DGKB: variants seen among roughly 807,000 people sequenced by gnomAD.
DGKB encodes diacylglycerol kinase beta, also known as 90 kDa diacylglycerol kinase.
Under a neutral mutation model 114.3 loss-of-function variants are expected in DGKB, and 67 were observed. The observed-to-expected ratio is 0.59, with a 90% CI of 0.48 to 0.72. The LOEUF is 0.72. Among genes scored for constraint, DGKB ranks in the 30% least tolerant of loss-of-function variants. The pLI is 0.00. For synonymous variants in DGKB, 398 were observed against 323.1 expected, an observed-to-expected ratio of 1.23 and a Z score of -2.49; for missense variants, 907 against 975.2, an observed-to-expected ratio of 0.93 and a Z score of 0.93.
At chr7:14,428,172 G>GAT (rs926259502) in intron 21 of DGKB, among the ~76,000 whole-genome samples, 24 of 151,248 alleles carry the variant, frequency 1.6e-4, no homozygotes, top group East Asian at 1.4e-3. Context: ...CTTTTTCTGT[G>GAT]ATATATATAT....
rs776454947 is a variant in DGKB at position 14,841,231 on chromosome 7, G to A, written c.33C>T (p.Ser11=). MTNQEKWAHL[S]PSEFSQLQKY... ...TCTGAAGTTGGGAAAATTCCGAAGG[G>A]CTGAGGTGGGCCCATTTTTCCTGGT... is the stretch of plus-strand genomic sequence containing the variant. The change falls in exon 2 of 26, where the codon AGC becomes AGT. Residue 11 remains serine (S), a synonymous_variant. Transcript: ENST00000402815. 7 of 1,613,530 alleles carry A rather than the reference G, an allele frequency of 4.3e-6. No homozygotes were observed. The highest frequency in any genetic ancestry group is 5.9e-6 in the Non-Finnish European group (7 of 1,179,706).
At chr7:14,290,895 C>A (rs1272347088) in intron 23 of DGKB, among the ~76,000 whole-genome samples, 1 of 151,726 alleles carries the variant, frequency 6.6e-6, no homozygotes, top group Non-Finnish European at 1.5e-5. Flanking sequence ...GTAGTCCCAG[C>A]ACTTGGGAGG....
intron 23 of DGKB, among the ~76,000 whole-genome samples, chr7:14,229,392 A>G (rs751839441): frequency 1.3e-5 from 2 of 152,024 alleles, no homozygotes; most frequent in Non-Finnish European, 2.9e-5. Flanking sequence ...ACTGTAGGCA[A>G]TGGTAACTTA....
At chr7:14,673,297 C>A (rs1376256082) in intron 12 of DGKB, among the ~76,000 whole-genome samples, 3 of 151,788 alleles carry the variant, frequency 2.0e-5, no homozygotes, top group Non-Finnish European at 4.4e-5. Flanking sequence ...AGGTTTTACA[C>A]CAAAGAACCC....
chr7:14,802,650 A>G (rs1483469858), intron 2 of DGKB, among the ~76,000 whole-genome samples: 1 of 152,162 alleles, frequency 6.6e-6, no homozygotes, highest in Non-Finnish European at 1.5e-5. Flanking sequence ...TTTAGAGAAT[A>G]AAACCATGAA....
chr7:14,300,123 C>A (rs549766411), intron 23 of DGKB, among the ~76,000 whole-genome samples: 1 of 152,014 alleles, frequency 6.6e-6, no homozygotes, highest in African/African-American at 2.4e-5. Context: ...AAAGAGCTCC[C>A]GTGTAGTTTC....
At chr7:14,330,147 T>C (rs551463898) in intron 23 of DGKB, among the ~76,000 whole-genome samples, 93 of 152,118 alleles carry the variant, frequency 6.1e-4, no homozygotes, top group Non-Finnish European at 2.5e-4. Flanking sequence ...ATTTTGAAAA[T>C]AAACAATGTA....
chr7:14,274,974 TTTG>T (rs1798788452), intron 23 of DGKB, among the ~76,000 whole-genome samples: 1 of 145,472 alleles, frequency 6.9e-6, no homozygotes. Context: ...TGTGTGTGTG[TTTG>T]TGTGTGCGTG....
chr7:14,728,185 G>A (rs1004127418), intron 5 of DGKB, among the ~76,000 whole-genome samples: 8 of 152,074 alleles, frequency 5.3e-5, no homozygotes, highest in Admixed American at 6.6e-5. Context: ...CAATGATAAG[G>A]CATCTAATTT....
At chr7:14,819,360 G>A (rs765669072) in intron 2 of DGKB, among the ~76,000 whole-genome samples, 1 of 152,090 alleles carries the variant, frequency 6.6e-6, no homozygotes, top group Non-Finnish European at 1.5e-5. Flanking sequence ...GCAGAGGCGG[G>A]TGAACGCTTG....
intron 1 of DGKB, among the ~76,000 whole-genome samples, chr7:14,959,948 A>T (rs968535888): frequency 6.6e-6 from 1 of 152,080 alleles, no homozygotes; most frequent in Non-Finnish European, 1.5e-5. Context: ...CTGATATTCA[A>T]TCATGAGGGA....
At chr7:14,542,820 C>A (rs1793682338) in intron 20 of DGKB, among the ~76,000 whole-genome samples, 1 of 152,148 alleles carries the variant, frequency 6.6e-6, no homozygotes, top group African/African-American at 2.4e-5. Flanking sequence ...TCTGTTGTTA[C>A]TCAAATAAAA....
intron 5 of DGKB, among the ~76,000 whole-genome samples, chr7:14,720,770 G>T (rs1052082206): frequency 1.3e-5 from 2 of 150,060 alleles, no homozygotes; most frequent in Non-Finnish European, 3.0e-5. Flanking sequence ...TTTAATAGAA[G>T]TATCAGTGTA....
At chr7:14,738,005 T>C (rs144693460) in intron 4 of DGKB, among the ~76,000 whole-genome samples, 2 of 152,262 alleles carry the variant, frequency 1.3e-5, no homozygotes, top group East Asian at 1.9e-4. Context: ...GGAGAAGTAC[T>C]TCCAAAAAAG....
At chr7:14,541,574 T>G (rs1793457277) in intron 20 of DGKB, among the ~76,000 whole-genome samples, 2 of 152,160 alleles carry the variant, frequency 1.3e-5, no homozygotes, top group Non-Finnish European at 2.9e-5. Flanking sequence ...AGGTCATATT[T>G]AGAAACAATA....
At chr7:14,867,944 G>A (rs1473831473) in intron 1 of DGKB, among the ~76,000 whole-genome samples, 1 of 152,132 alleles carries the variant, frequency 6.6e-6, no homozygotes, top group Non-Finnish European at 1.5e-5. Flanking sequence ...CTGCATTCTT[G>A]AGGTGCTCCC....
intron 4 of DGKB, among the ~76,000 whole-genome samples, chr7:14,738,848 A>G (rs563307393): frequency 1.3e-5 from 2 of 152,364 alleles, no homozygotes; most frequent in South Asian, 4.1e-4. Context: ...GACCATAATT[A>G]TACCTTAAAA....
At chr7:14,484,741 C>T (rs1401655470) in intron 20 of DGKB, among the ~76,000 whole-genome samples, 1 of 152,072 alleles carries the variant, frequency 6.6e-6, no homozygotes, top group Non-Finnish European at 1.5e-5. Context: ...TGCTGAGTAT[C>T]TATTTAAGAT....
intron 1 of DGKB, among the ~76,000 whole-genome samples, chr7:14,911,617 C>A (rs892615920): frequency 6.6e-6 from 1 of 152,022 alleles, no homozygotes; most frequent in Non-Finnish European, 1.5e-5. Context: ...TCTTCTTTTT[C>A]TGTGTTTCCC....
Sources: allele counts gnomAD v4.1 joint callset (sites outside exome capture counted in the v4.1 genomes callset), GRCh38; gene constraint gnomAD v4.1.1; transcripts MANE v1.5; gene names NCBI Gene and HGNC (gene_info 2026-07-23, HGNC 2026-07-21).